Variants in MDM1 observed in about 807,000 individuals in gnomAD.
MDM1 encodes the protein Mdm1 nuclear protein.
MDM1 carries 61 observed loss-of-function variants against 89.1 expected under a neutral mutation model. The observed-to-expected ratio is 0.68, with a 90% CI of 0.56 to 0.85. The LOEUF is 0.85. MDM1 is among the 40% of genes least tolerant of loss of function. MDM1 has a pLI of 0.00. For synonymous variants in MDM1, 290 were observed against 294.1 expected (o/e 0.99, Z 0.14); for missense variants, 820 against 846.5 (o/e 0.97, Z 0.39).
chr12:68,310,294 G>A (rs1464842590), intron 12 of MDM1, among the ~76,000 whole-genome samples: 1 of 152,180 alleles, frequency 6.6e-6, no homozygotes, highest in Non-Finnish European at 1.5e-5. Flanking sequence ...AGAGGAGTTG[G>A]TAATTAAAAT....
At chr12:68,316,360 C>T (rs1432651639) in intron 8 of MDM1, 107 bp from the exon 9 acceptor site, 23 of 1,255,292 alleles carry the variant, frequency 1.8e-5, no homozygotes, top group Non-Finnish European at 2.5e-5. Context: ...GGACCAAAGA[C>T]AAAGGAAGGC....
At chr12:68,328,520 C>CA (rs1273155001) in intron 2 of MDM1, among the ~76,000 whole-genome samples, 1 of 152,080 alleles carries the variant, frequency 6.6e-6, no homozygotes, top group Non-Finnish European at 1.5e-5. Flanking sequence ...AAGCACTATG[C>CA]AATATACCAG....
At chr12:68,319,053 A>T (rs1874874158) in intron 7 of MDM1, among the ~76,000 whole-genome samples, 1 of 152,224 alleles carries the variant, frequency 6.6e-6, no homozygotes, top group African/African-American at 2.4e-5. Flanking sequence ...ATTGGAATAA[A>T]ATCACCTCAA....
At chr12:68,327,489 G>A (rs1876180196) in intron 2 of MDM1, 2 of 1,535,832 alleles carry the variant, frequency 1.3e-6, no homozygotes, top group Non-Finnish European at 1.7e-6. Flanking sequence ...CTGGATCTTG[G>A]TTCTACATCT....
In MDM1 at chr12:68,294,859, T is replaced by C. The variant is rs1458595775; in HGVS notation, c.*395A>G. The C allele has an allele frequency of 1.3e-5, 2 of 153,764 alleles. No individual in the cohort carries two copies. Among genetic ancestry groups the C allele is most frequent in the African/African-American group, 4.8e-5 (2 of 41,478 alleles). 9.5% of individuals were successfully genotyped at this position (153,764 alleles called of 1,614,324 possible). A position where few individuals can be genotyped will look rare whatever the true frequency, so the allele number is the denominator to read the frequency against. On this transcript the variant is annotated 3_prime_UTR_variant, in exon 15 of 15. Transcript: ENST00000682720. ...AAAGGTTAAAGGAACAACAAATTCATTTTACAACATCATCAATTATAAAGA... is the reference window on the plus strand; with the variant it reads ...AAAGGTTAAAGGAACAACAAATTCACTTTACAACATCATCAATTATAAAGA...
Position 68,320,780 on chromosome 12 carries a change from C to T in MDM1, c.1005+567G>A, listed in dbSNP as rs189749672. Among the ~76,000 whole-genome samples, 644 of 152,286 alleles carry T rather than the reference C, an allele frequency of 4.2e-3. 26 individuals carry two copies. Among genetic ancestry groups the T allele is most frequent in the Admixed American group, 0.039 (592 of 15,304 alleles). ...ATAACAAAAAGGTTCCATTCTCTAT[C>T]CTTTGAGTATAAGAAGCTAGTACTA... is the stretch of plus-strand genomic sequence containing the variant. On this transcript the variant is annotated intron_variant, in intron 7 of 14. Coordinates refer to ENST00000682720, the MANE Select transcript of MDM1 (RefSeq NM_001354969.2).
chr12:68,307,829 T>C (rs978059613), intron 12 of MDM1, among the ~76,000 whole-genome samples: 38 of 151,738 alleles, frequency 2.5e-4, no homozygotes, highest in Non-Finnish European at 5.9e-5. Flanking sequence ...TCTCAGCTAT[T>C]TGGGAGGCTG....
Position 68,329,443 on chromosome 12 carries a change from C to T in MDM1, c.133+1664G>A, listed in dbSNP as rs79338028. 6.4e-3 allele frequency among the ~76,000 whole-genome samples: 979 copies of T among 152,300 alleles called. 4 individuals are homozygous for T. The highest frequency in any genetic ancestry group is 0.011 in the Non-Finnish European group (750 of 68,020). ...ATCTAACATTTATGTGACTTACATG[C>T]CATGCTCGCACACATCACATGTGGG... On this transcript the variant is annotated intron_variant, in intron 2 of 14. Coordinates refer to ENST00000682720, the MANE Select transcript of MDM1 (RefSeq NM_001354969.2).
At chr12:68,320,543 C>G (rs961482623) in intron 7 of MDM1, among the ~76,000 whole-genome samples, 3 of 152,192 alleles carry the variant, frequency 2.0e-5, no homozygotes, top group African/African-American at 7.2e-5. Flanking sequence ...CCCCTTCCCC[C>G]AGAGGCTGAT....
intron 7 of MDM1, among the ~76,000 whole-genome samples, chr12:68,319,805 A>C (rs1266513030): frequency 6.6e-6 from 1 of 152,238 alleles, no homozygotes; most frequent in Admixed American, 6.5e-5. Flanking sequence ...TTACCAAGAT[A>C]TCATAATAGG....
At chr12:68,307,657 G>A (rs920834114) in intron 12 of MDM1, among the ~76,000 whole-genome samples, 3 of 152,018 alleles carry the variant, frequency 2.0e-5, no homozygotes, top group Non-Finnish European at 4.4e-5. Context: ...CAAAAAATGG[G>A]CCAGATGTGG....
intron 12 of MDM1, among the ~76,000 whole-genome samples, chr12:68,305,538 TA>T (rs1274041654): frequency 6.6e-6 from 1 of 152,136 alleles, no homozygotes; most frequent in Non-Finnish European, 1.5e-5. Flanking sequence ...AAAGACCTGA[TA>T]AATGACGTTA....
intron 7 of MDM1, among the ~76,000 whole-genome samples, chr12:68,320,595 T>G (rs954355925): frequency 6.6e-6 from 1 of 152,140 alleles, no homozygotes; most frequent in Non-Finnish European, 1.5e-5. Context: ...ATGAGCTAAA[T>G]AAAAGACTCA....
chr12:68,308,381 C>G (rs887733916), intron 12 of MDM1, among the ~76,000 whole-genome samples: 2 of 152,170 alleles, frequency 1.3e-5, no homozygotes, highest in African/African-American at 4.8e-5. Context: ...CTGCCTTGGC[C>G]TCCCAAACTG....
In MDM1 at chr12:68,295,127, CTATTGGAAATTAAAT is replaced by C; in HGVS notation, c.*112_*126del. 1.7e-6 allele frequency: 1 copy of C among 582,876 alleles called. No homozygotes were observed. 36.1% of individuals were successfully genotyped at this position (582,876 alleles called of 1,614,324 possible). A position where few individuals can be genotyped will look rare whatever the true frequency, so the allele number is the denominator to read the frequency against. On this transcript the variant is annotated 3_prime_UTR_variant, in exon 15 of 15. Coordinates refer to ENST00000682720, the MANE Select transcript of MDM1 (RefSeq NM_001354969.2). Reference sequence around the variant, plus strand: ...GTTAACAATTTCCAAGTAAACTGTTCTATTGGAAATTAAATATTTCAAAGTAGAAAACGTTAGGAA... The same window carrying C: ...GTTAACAATTTCCAAGTAAACTGTTCATTTCAAAGTAGAAAACGTTAGGAA...
At chr12:68,315,973 C>T (rs910982779) in intron 9 of MDM1, 105 bp downstream of exon 9, 64 of 866,794 alleles carry the variant, frequency 7.4e-5, no homozygotes, top group African/African-American at 2.1e-4. Context: ...CAATTCCATT[C>T]GACTAGGAGA....
intron 4 of MDM1, chr12:68,324,887 A>AG (rs1875736173): frequency 2.1e-6 from 1 of 469,950 alleles, no homozygotes; most frequent in Admixed American, 6.4e-5. Flanking sequence ...AAAATTGTGC[A>AG]GGAGTATAAT....
intron 12 of MDM1, among the ~76,000 whole-genome samples, chr12:68,306,150 A>G (rs1872854499): frequency 6.6e-6 from 1 of 152,088 alleles, no homozygotes. Context: ...ATGACCAAAA[A>G]AAATGAACAA....
Position 68,326,033 on chromosome 12 carries a change from T to A in MDM1, c.499-458A>T, listed in dbSNP as rs182116776. ...TTCTCCAACACTCTGAAATGCCTCT[T>A]CAGGGTCCCAGTCAGTGGTGGACAT... is the stretch of plus-strand genomic sequence containing the variant. On this transcript the variant is annotated intron_variant, in intron 3 of 14. Coordinates refer to ENST00000682720, the MANE Select transcript of MDM1 (RefSeq NM_001354969.2). 73 of 994,644 alleles carry A rather than the reference T, an allele frequency of 7.3e-5. No individual in the cohort carries two copies. In the African/African-American group the frequency reaches 1.1e-3, roughly 16 times the overall value. 61.6% of individuals were successfully genotyped at this position (994,644 alleles called of 1,614,324 possible). A position where few individuals can be genotyped will look rare whatever the true frequency, so the allele number is the denominator to read the frequency against.
Sources: allele counts gnomAD v4.1 joint callset (sites outside exome capture counted in the v4.1 genomes callset), GRCh38; gene constraint gnomAD v4.1.1; transcripts MANE v1.5; gene names NCBI Gene and HGNC (gene_info 2026-07-23, HGNC 2026-07-21).